Variants in ACOXL observed in about 807,000 individuals in gnomAD.
ACOXL encodes the protein acyl-CoA oxidase like.
In ACOXL, 70 loss-of-function variants were observed where a neutral mutation model predicts 71.9. The ratio of observed to expected loss-of-function variants is 0.97; its 90% CI spans 0.80 to 1.19. The LOEUF is 1.19. Ranked by LOEUF, ACOXL falls within the 50% of genes most tolerant of loss-of-function variation. The pLI is 0.00. For missense variants in ACOXL, 703 were observed against 736.3 expected (o/e 0.95, Z 0.52); for synonymous variants, 253 against 281.6 (o/e 0.90, Z 1.02).
chr2:111,057,508 G>C (rs1220904610), intron 16 of ACOXL, among the ~76,000 whole-genome samples: 1 of 152,180 alleles, frequency 6.6e-6, no homozygotes, highest in Non-Finnish European at 1.5e-5. Flanking sequence ...GCCATCAACA[G>C]CTAATAGTTG....
intron 11 of ACOXL, among the ~76,000 whole-genome samples, chr2:110,924,101 C>T (rs2060182131): frequency 2.0e-5 from 3 of 152,302 alleles, no homozygotes; most frequent in Non-Finnish European, 1.5e-5. Flanking sequence ...CACTGTACTA[C>T]AGCCTATTAA....
chr2:110,751,969 A>T (rs1679026824), intron 1 of ACOXL, among the ~76,000 whole-genome samples: 1 of 152,190 alleles, frequency 6.6e-6, no homozygotes, highest in Non-Finnish European at 1.5e-5. Context: ...GAAGCCAGAC[A>T]CAAAAGAATA....
At chr2:110,863,996 C>A (rs181970596) in intron 10 of ACOXL, among the ~76,000 whole-genome samples, 5 of 152,294 alleles carry the variant, frequency 3.3e-5, no homozygotes, top group African/African-American at 9.6e-5. Flanking sequence ...TCTGCTTCTT[C>A]TTCACTAGTG....
At position 110,811,082 on chromosome 2, in the gene ACOXL, A is replaced by G. The variant is rs77812117; in HGVS notation, c.753+5687A>G. Among the ~76,000 whole-genome samples the G allele has an allele frequency of 8.5e-3, 1,301 of 152,352 alleles. 9 individuals carry two copies. The highest frequency in any genetic ancestry group is 0.014 in the Middle Eastern group (4 of 294). On this transcript the variant is annotated intron_variant, in intron 9 of 17. Transcript: ENST00000439055. ...GTCCCTTCCATGACATGTGGAGATT[A>G]TGGGAACTATGATTCAAGATGAGAT... is the stretch of plus-strand genomic sequence containing the variant.
At chr2:110,800,973 C>T (rs776537630) in intron 7 of ACOXL, among the ~76,000 whole-genome samples, 3 of 152,158 alleles carry the variant, frequency 2.0e-5, no homozygotes, top group East Asian at 1.9e-4. Flanking sequence ...GTGTCCTTGT[C>T]AAGGGGTGAA....
At chr2:111,088,139 A>G (rs1403489245) in intron 16 of ACOXL, among the ~76,000 whole-genome samples, 1 of 152,236 alleles carries the variant, frequency 6.6e-6, no homozygotes, top group Non-Finnish European at 1.5e-5. Context: ...AAGTCAAAAA[A>G]TAACAGATGC....
intron 11 of ACOXL, among the ~76,000 whole-genome samples, chr2:110,911,685 A>G (rs915244667): frequency 6.6e-6 from 1 of 152,114 alleles, no homozygotes; most frequent in Admixed American, 6.5e-5. Context: ...AAAACGCTCA[A>G]CAAACTAGGT....
chr2:111,032,325 T>C (rs1285940856), intron 15 of ACOXL, among the ~76,000 whole-genome samples: 1 of 151,750 alleles, frequency 6.6e-6, no homozygotes, highest in Admixed American at 6.6e-5. Context: ...ACTGCTAACA[T>C]GCTACAGGGC....
At chr2:111,002,787 G>T (rs2149626363) in intron 14 of ACOXL, among the ~76,000 whole-genome samples, 1 of 152,144 alleles carries the variant, frequency 6.6e-6, no homozygotes, top group Non-Finnish European at 1.5e-5. Context: ...CAGGTTGAAT[G>T]CTTGGGACAA....
At chr2:110,947,897 C>G (rs117149741) in intron 12 of ACOXL, among the ~76,000 whole-genome samples, 1 of 152,334 alleles carries the variant, frequency 6.6e-6, no homozygotes, top group East Asian at 1.9e-4. Flanking sequence ...TACCTGAGCC[C>G]GGATGCCCAT....
chr2:110,762,574 T>A lies in ACOXL; in HGVS notation c.-22-5794T>A, dbSNP rs1226507222. Reference sequence around the variant, plus strand: ...AATTTATCATAGTTTACTAGTATTGTCCTACCACTTTGAGTGAAGTATAGA... The same window carrying A: ...AATTTATCATAGTTTACTAGTATTGACCTACCACTTTGAGTGAAGTATAGA... On this transcript the variant is annotated intron_variant, in intron 1 of 17. Coordinates refer to ENST00000439055, the MANE Select transcript of ACOXL (RefSeq NM_001142807.4). Among the ~76,000 whole-genome samples, 4 of 152,364 alleles carry A rather than the reference T, an allele frequency of 2.6e-5. No individual in the cohort carries two copies. The East Asian group carries it at 7.7e-4, about 29-fold the overall frequency.
intron 10 of ACOXL, among the ~76,000 whole-genome samples, chr2:110,870,414 G>A (rs766269942): frequency 6.6e-6 from 1 of 151,680 alleles, no homozygotes; most frequent in Admixed American, 6.6e-5. Flanking sequence ...TTAAACAATT[G>A]GGGTATAGGT....
chr2:111,010,880 A>G (rs11894723), intron 14 of ACOXL, among the ~76,000 whole-genome samples: 54,760 of 152,006 alleles, frequency 0.36, 10,511 homozygotes, highest in African/African-American at 0.48. Context: ...ATGAAATAAA[A>G]GCATTTTCAG....
chr2:110,871,269 T>TG, intron 10 of ACOXL, among the ~76,000 whole-genome samples: 1 of 152,040 alleles, frequency 6.6e-6, no homozygotes, highest in East Asian at 1.9e-4. Flanking sequence ...AGGTCTCCAG[T>TG]GGTTTCTGTT....
intron 16 of ACOXL, among the ~76,000 whole-genome samples, chr2:111,057,518 G>A (rs1008472686): frequency 1.3e-5 from 2 of 152,162 alleles, no homozygotes; most frequent in African/African-American, 4.8e-5. Context: ...GCTAATAGTT[G>A]CTCTAGAATT....
At chr2:111,040,745 A>T (rs899854355) in intron 15 of ACOXL, among the ~76,000 whole-genome samples, 1 of 152,218 alleles carries the variant, frequency 6.6e-6, no homozygotes, top group Non-Finnish European at 1.5e-5. Flanking sequence ...GGTGGAAAGG[A>T]CATTCCGAGC....
intron 14 of ACOXL, among the ~76,000 whole-genome samples, chr2:111,013,328 C>A (rs914627683): frequency 4.0e-5 from 6 of 151,672 alleles, no homozygotes; most frequent in Middle Eastern, 6.4e-3. Context: ...AGTTTGAGAC[C>A]AGCTGACCAA....
At chr2:110,960,175 T>A (rs929722508) in intron 12 of ACOXL, among the ~76,000 whole-genome samples, 13 of 152,100 alleles carry the variant, frequency 8.5e-5, no homozygotes, top group African/African-American at 3.1e-4. Flanking sequence ...GGGAACAGGA[T>A]TGCAAAACCC....
intron 15 of ACOXL, among the ~76,000 whole-genome samples, chr2:111,033,872 A>T (rs1418245876): frequency 1.3e-5 from 2 of 152,102 alleles, no homozygotes; most frequent in African/African-American, 4.8e-5. Flanking sequence ...GGACATGAGG[A>T]TGGACTATAT....
Sources: gnomAD v4.1 joint callset for allele counts (sites outside exome capture counted in the v4.1 genomes callset) on GRCh38, gnomAD v4.1.1 for gene constraint, MANE v1.5 for transcripts, NCBI Gene and HGNC (gene_info 2026-07-23, HGNC 2026-07-21) for gene names.